Variants in FAM83F observed in about 807,000 individuals in gnomAD.
The protein encoded by FAM83F is protein FAM83F.
Under a neutral mutation model 42.9 loss-of-function variants are expected in FAM83F, and 45 were observed. That is an observed-to-expected ratio of 1.05 (90% confidence interval 0.83 to 1.35). The LOEUF (loss-of-function observed/expected upper bound fraction) is 1.35, where lower values mean the gene tolerates loss of function less well. FAM83F is among the 40% of genes most tolerant of loss of function. FAM83F has a pLI of 0.00. For missense variants in FAM83F, 617 were observed against 695.9 expected (o/e 0.89, Z 1.28); for synonymous variants, 306 against 298.3 (o/e 1.03, Z -0.27).
chr22:40,026,244 G>A (rs111391798), intron 4 of FAM83F, among the ~76,000 whole-genome samples: 9,708 of 152,224 alleles, frequency 0.064, 1,021 homozygotes, highest in African/African-American at 0.22. Flanking sequence ...GTTTGGGCCC[G>A]GCGTGGTGGC....
chr22:40,029,448 G>C, intron 4 of FAM83F, 68 bp from the exon 5 acceptor site: 3 of 1,552,682 alleles, frequency 1.9e-6, no homozygotes, highest in East Asian at 2.4e-5. Context: ...CACAGGGTAG[G>C]AACTGAAGCT....
chr22:40,006,980 T>G (rs1161780017), intron 1 of FAM83F, among the ~76,000 whole-genome samples: 1 of 152,138 alleles, frequency 6.6e-6, no homozygotes, highest in Non-Finnish European at 1.5e-5. Context: ...TTGATCACAT[T>G]TCTTTTCATC....
chr22:40,034,290 C>A lies in FAM83F; in HGVS notation c.*4725C>A, dbSNP rs1315536740. The stretch of plus-strand genomic sequence containing the variant: ...TGGCTGCTGCTGATCGTCTGCACTG[C>A]TGTTCCAGGGGCAGGAGGTTTGCTG... On this transcript the variant is annotated 3_prime_UTR_variant, in exon 5 of 5. Coordinates refer to ENST00000333407, the MANE Select transcript of FAM83F (RefSeq NM_138435.4). The A allele has an allele frequency of 6.6e-6, 1 of 152,336 alleles. No homozygotes were observed. Among genetic ancestry groups the A allele is most frequent in the African/African-American group, 2.4e-5 (1 of 41,470 alleles). The allele number at this position is 152,336 out of a possible 1,614,324, so 9.4% of individuals were successfully genotyped here.
Position 40,005,901 on chromosome 22 carries a change from C to T in FAM83F, c.489+10370C>T, listed in dbSNP as rs547116559. 3.3e-5 allele frequency among the ~76,000 whole-genome samples: 5 copies of T among 152,312 alleles called. No individual in the cohort carries two copies. The South Asian group carries it at 1.0e-3, about 32-fold the overall frequency. On this transcript the variant is annotated intron_variant, in intron 1 of 4. Coordinates refer to ENST00000333407, the MANE Select transcript of FAM83F (RefSeq NM_138435.4). ...AGCCCCAGCGGACGAAGCACAGATGCTCTGCTGCTGGGGTGGGGGCAGCCT... is the reference window on the plus strand; with the variant it reads ...AGCCCCAGCGGACGAAGCACAGATGTTCTGCTGCTGGGGTGGGGGCAGCCT...
At chr22:40,019,745 C>G (rs2067509407) in intron 2 of FAM83F, 142 bp from the exon 3 acceptor site, 1 of 1,204,832 alleles carries the variant, frequency 8.3e-7, no homozygotes, top group African/African-American at 1.5e-5. Context: ...CTATGGAAGG[C>G]TGTAGGAAGC....
At position 40,033,334 on chromosome 22, in the gene FAM83F, C is replaced by T. The variant is rs1285649111; in HGVS notation, c.*3769C>T. On this transcript the variant is annotated 3_prime_UTR_variant, in exon 5 of 5. Transcript: ENST00000333407. Reference sequence around the variant, plus strand: ...TCCCGGCCTCAGGTGATCTGCCTGCCTTGGCCTCCCAAACTGCTGGGATTA... The same window carrying T: ...TCCCGGCCTCAGGTGATCTGCCTGCTTTGGCCTCCCAAACTGCTGGGATTA... 6.6e-6 allele frequency: 1 copy of T among 152,262 alleles called. No homozygotes were observed. The highest frequency in any genetic ancestry group is 2.4e-5 in the African/African-American group (1 of 41,454). 9.4% of individuals were successfully genotyped at this position (152,262 alleles called of 1,614,324 possible). A position where few individuals can be genotyped will look rare whatever the true frequency, so the allele number is the denominator to read the frequency against.
intron 1 of FAM83F, among the ~76,000 whole-genome samples, chr22:40,012,792 GGCCAGGCACGGTGGCTCAC>G (rs1254335489): frequency 6.8e-6 from 1 of 146,782 alleles, no homozygotes; most frequent in Non-Finnish European, 1.5e-5. Flanking sequence ...CAAACAAAAG[GGCCAGGCACGGTGGCTCAC>G]GCCTATAATC....
chr22:40,014,405 G>T (rs986908014), intron 1 of FAM83F, among the ~76,000 whole-genome samples: 67 of 152,080 alleles, frequency 4.4e-4, no homozygotes, highest in African/African-American at 1.6e-3. Flanking sequence ...AGATAATTAT[G>T]ATTTCTTCCT....
At position 39,995,327 on chromosome 22, in the gene FAM83F, G is replaced by T. The variant is rs182864330; in HGVS notation, c.285G>T (p.Ala95=). The change falls in exon 1 of 5, where the codon GCG becomes GCT. Residue 95 remains alanine, a synonymous_variant. Coordinates refer to ENST00000333407, the MANE Select transcript of FAM83F (RefSeq NM_138435.4). This position sits in a 1 kb window ranked among gnomAD's most constrained non-coding sequence, Gnocchi z 4.6. Reference sequence around the variant, plus strand: ...GCAAGGCCAAGGCCAAGGCCCCCGCGCCGGCGCCGGCTGAGTCCGGCGAGT... The same window carrying T: ...GCAAGGCCAAGGCCAAGGCCCCCGCTCCGGCGCCGGCTGAGTCCGGCGAGT... ...GKSKAKAKAP[A]PAPAESGESL... The T allele has an allele frequency of 9.6e-5, 147 of 1,539,172 alleles. No homozygotes were observed. In the East Asian group the frequency reaches 3.6e-3, roughly 38 times the overall value.
chr22:40,009,498 A>G (rs149388212), intron 1 of FAM83F, among the ~76,000 whole-genome samples: 1 of 152,334 alleles, frequency 6.6e-6, no homozygotes, highest in East Asian at 1.9e-4. Flanking sequence ...GCAGTTAGGA[A>G]GCTCATCAAA....
Position 40,023,347 on chromosome 22 carries a change from A to AGCTGCT in FAM83F, c.1453+1400_1453+1405dup, listed in dbSNP as rs570808507. Among the ~76,000 whole-genome samples the AGCTGCT allele has an allele frequency of 2.2e-5, 3 of 136,504 alleles. No homozygotes were observed. The highest frequency in any genetic ancestry group is 2.2e-4 in the South Asian group (1 of 4,526). The allele number at this position is 136,504 out of a possible 152,430, so 89.6% of individuals were successfully genotyped here. A position where few individuals can be genotyped will look rare whatever the true frequency, so the allele number is the denominator to read the frequency against. On this transcript the variant is annotated intron_variant, in intron 4 of 4. Coordinates refer to ENST00000333407, the MANE Select transcript of FAM83F (RefSeq NM_138435.4). This position sits in a 1 kb window ranked among gnomAD's most constrained non-coding sequence, Gnocchi z 4.1. ...TGGGCTCCCTGGCTCCCCTAACACC[A>AGCTGCT]GCTGCTGCTGCTGCTGCTGCTCCTG... is the stretch of plus-strand genomic sequence containing the variant.
At chr22:40,011,180 A>G (rs997413866) in intron 1 of FAM83F, among the ~76,000 whole-genome samples, 14 of 151,974 alleles carry the variant, frequency 9.2e-5, no homozygotes, top group Non-Finnish European at 2.1e-4. Context: ...TATGTTATGC[A>G]GTGTGCTTTT....
chr22:40,031,557 G>C lies in FAM83F; in HGVS notation c.*1992G>C, dbSNP rs1221835717. ...ATCTAATCTGGGAGGATCCCTGATTGGAATCTCCAAGTCACCACAGCCTTG... is the reference window on the plus strand; with the variant it reads ...ATCTAATCTGGGAGGATCCCTGATTCGAATCTCCAAGTCACCACAGCCTTG... On this transcript the variant is annotated 3_prime_UTR_variant, in exon 5 of 5. Transcript: ENST00000333407. 6.6e-6 allele frequency: 1 copy of C among 152,236 alleles called. No individual in the cohort carries two copies. The highest frequency in any genetic ancestry group is 1.5e-5 in the Non-Finnish European group (1 of 68,068). 9.4% of individuals were successfully genotyped at this position (152,236 alleles called of 1,614,324 possible). A position where few individuals can be genotyped will look rare whatever the true frequency, so the allele number is the denominator to read the frequency against.
In FAM83F at chr22:40,036,376, C is replaced by T. The variant is rs1160084936; in HGVS notation, c.*6811C>T. 1 of 152,168 alleles carries T rather than the reference C, an allele frequency of 6.6e-6. No homozygotes were observed. The highest frequency in any genetic ancestry group is 1.5e-5 in the Non-Finnish European group (1 of 68,020). The allele number at this position is 152,168 out of a possible 1,614,324, so 9.4% of individuals were successfully genotyped here. On this transcript the variant is annotated 3_prime_UTR_variant, in exon 5 of 5. Transcript: ENST00000333407. ...AGGGAGAGAAAACCTGCCAGAGATG[C>T]CATTTCGGAGCCACTCTGCTTGGCA...
At chr22:40,005,900 G>A (rs2067425221) in intron 1 of FAM83F, among the ~76,000 whole-genome samples, 1 of 152,206 alleles carries the variant, frequency 6.6e-6, no homozygotes, top group Non-Finnish European at 1.5e-5. Flanking sequence ...AAGCACAGAT[G>A]CTCTGCTGCT....
Position 39,995,582 on chromosome 22 carries a change from C to T in FAM83F, c.489+51C>T, listed in dbSNP as rs1370087839. On this transcript the variant is annotated intron_variant, in intron 1 of 4. Transcript: ENST00000333407. The surrounding 1 kb of genome is among the most constrained non-coding windows in gnomAD (Gnocchi z 4.6). The stretch of plus-strand genomic sequence containing the variant: ...CCGCTGGGACCTCGGCCCCAGTCCC[C>T]TGGACCGGGCCCCACCTCCCAGGCA... The T allele has an allele frequency of 6.8e-7, 1 of 1,479,250 alleles. No homozygotes were observed. Among genetic ancestry groups the T allele is most frequent in the African/African-American group, 1.4e-5 (1 of 71,234 alleles). The allele number at this position is 1,479,250 out of a possible 1,614,324, so 91.6% of individuals were successfully genotyped here. A position where few individuals can be genotyped will look rare whatever the true frequency, so the allele number is the denominator to read the frequency against.
In FAM83F at chr22:40,032,429, G is replaced by A. The variant is rs6001722; in HGVS notation, c.*2864G>A. The A allele has an allele frequency of 0.26, 39,059 of 152,104 alleles. 5,268 individuals are homozygous for A. The highest frequency in any genetic ancestry group is 0.41 in the South Asian group (1,983 of 4,826). The allele number at this position is 152,104 out of a possible 1,614,324, so 9.4% of individuals were successfully genotyped here. On this transcript the variant is annotated 3_prime_UTR_variant, in exon 5 of 5. Transcript: ENST00000333407. ...TCCTTAATCTTATCCCTGACCCCTC[G>A]AGGGCTTTCAAGATAGCCTCTGTTA... is the stretch of plus-strand genomic sequence containing the variant.
Position 40,013,923 on chromosome 22 carries a change from CCTTTTTT to C in FAM83F, c.490-5240_490-5234del, listed in dbSNP as rs141280854. On this transcript the variant is annotated intron_variant, in intron 1 of 4. Transcript: ENST00000333407. ...TTTCTTTCATTCCTTCTTTTATTTT[CCTTTTTT>C]CTTTCTTTTGGTTGATTATTGCTGG... Among the ~76,000 whole-genome samples, 1,303 of 151,884 alleles carry C rather than the reference CCTTTTTT, an allele frequency of 8.6e-3. 18 individuals are homozygous for C. Among genetic ancestry groups the C allele is most frequent in the African/African-American group, 0.03 (1,250 of 41,484 alleles).
Position 40,038,451 on chromosome 22 carries a change from TG to T in FAM83F, c.*8889del, listed in dbSNP as rs2067637207. ...TTGCCCGCAAAGCCTTCCTGTCTGG[TG>T]GGTGAGACAGTCTACAGCAAGCTGC... On this transcript the variant is annotated 3_prime_UTR_variant, in exon 5 of 5. Transcript: ENST00000333407. 6.6e-6 allele frequency: 1 copy of T among 152,180 alleles called. No homozygotes were observed. The highest frequency in any genetic ancestry group is 2.4e-5 in the African/African-American group (1 of 41,416). 9.4% of individuals were successfully genotyped at this position (152,180 alleles called of 1,614,324 possible).
Sources: allele counts gnomAD v4.1 joint callset (sites outside exome capture counted in the v4.1 genomes callset), GRCh38; gene constraint gnomAD v4.1.1; non-coding constraint Gnocchi (gnomAD v3.1); transcripts MANE v1.5; gene names NCBI Gene and HGNC (gene_info 2026-07-23, HGNC 2026-07-21).